Variants in ZBTB10 observed in about 807,000 individuals in gnomAD.
ZBTB10 encodes zinc finger and BTB domain containing 10.
ZBTB10 carries 32 observed loss-of-function variants against 76.4 expected under a neutral mutation model. The ratio of observed to expected loss-of-function variants is 0.42; its 90% CI spans 0.32 to 0.56. The LOEUF (loss-of-function observed/expected upper bound fraction) is 0.56, where lower values mean the gene tolerates loss of function less well. Among genes scored for constraint, ZBTB10 ranks in the 20% least tolerant of loss-of-function variants. ZBTB10 has a pLI of 0.14. For missense variants in ZBTB10, 1,057 were observed against 1,098.5 expected (o/e 0.96, Z 0.53); for synonymous variants, 523 against 432.9 (o/e 1.21, Z -2.58).
chr8:80,497,773 T>C (rs1815825230), intron 1 of ZBTB10, among the ~76,000 whole-genome samples: 1 of 145,858 alleles, frequency 6.9e-6, no homozygotes, highest in Non-Finnish European at 1.5e-5. Flanking sequence ...CCACAACCTC[T>C]GCCTCAGCCT....
intron 1 of ZBTB10, among the ~76,000 whole-genome samples, chr8:80,494,568 G>A (rs1424015646): frequency 6.6e-6 from 1 of 152,030 alleles, no homozygotes; most frequent in Non-Finnish European, 1.5e-5. Flanking sequence ...ACACCTCATT[G>A]ACACCTATCT....
chr8:80,506,513 T>G (rs1164280660), intron 2 of ZBTB10, among the ~76,000 whole-genome samples: 1 of 151,642 alleles, frequency 6.6e-6, no homozygotes, highest in Non-Finnish European at 1.5e-5. Flanking sequence ...GAGACGGGTT[T>G]TTTTCATGTT....
Position 80,518,880 on chromosome 8 carries a change from G to T in ZBTB10, c.2236G>T (p.Gly746Ter). The T allele has an allele frequency of 6.2e-7, 1 of 1,611,444 alleles. No individual in the cohort carries two copies. Among genetic ancestry groups the T allele is most frequent in the Non-Finnish European group, 8.5e-7 (1 of 1,178,696 alleles). The change falls in exon 5 of 6, where the codon GGA becomes TGA. Residue 746 changes from glycine (G) to a stop codon, truncating the protein, a stop_gained. Coordinates refer to ENST00000455036, the MANE Select transcript of ZBTB10 (RefSeq NM_001105539.3). LOFTEE classifies it high-confidence loss of function. ...TLKRHLLIHT[G>*]VRSFSCDICG... is the part of the protein sequence containing the mutation. ...AAAAAGGCACTTGCTCATTCACACA[G>T]GAGTGAGATCATTTAGCTGTGATAT...
At chr8:80,502,884 G>C (rs796118443) in intron 2 of ZBTB10, among the ~76,000 whole-genome samples, 4 of 152,306 alleles carry the variant, frequency 2.6e-5, no homozygotes, top group African/African-American at 9.6e-5. Flanking sequence ...TTCGTATATA[G>C]CAGTGGTTCT....
intron 2 of ZBTB10, among the ~76,000 whole-genome samples, chr8:80,508,819 G>T (rs1462947626): frequency 1.3e-5 from 2 of 152,164 alleles, no homozygotes; most frequent in Non-Finnish European, 2.9e-5. Context: ...AGTTATTTTT[G>T]TATTGTAATA....
Position 80,518,403 on chromosome 8 carries a change from G to A in ZBTB10, c.1961G>A (p.Gly654Asp). The A allele has an allele frequency of 6.5e-7, 1 of 1,549,398 alleles. No individual in the cohort carries two copies. The highest frequency in any genetic ancestry group is 8.7e-7 in the Non-Finnish European group (1 of 1,146,656). Residue 654 changes from glycine to aspartate, a missense_variant and splice_region_variant, in exon 4 of 6, where the codon GGT (glycine) becomes GAT (aspartate). By Grantham distance (94) the Gly-to-Asp change is moderately conservative. Coordinates refer to ENST00000455036, the MANE Select transcript of ZBTB10 (RefSeq NM_001105539.3). ...AATTCAGAATTTTTACTTGTACTAG[G>A]TACTTCACATGATTTCAAGTATGGT... The part of the protein sequence containing the change: ...AGTSQDGGDA[G>D]TSHDFKYGLM...
chr8:80,499,071 A>AT (rs1324431144), intron 1 of ZBTB10, among the ~76,000 whole-genome samples: 2 of 152,232 alleles, frequency 1.3e-5, no homozygotes, highest in African/African-American at 4.8e-5. Flanking sequence ...TATGCCTAGC[A>AT]TAAAATATAA....
Position 80,521,435 on chromosome 8 carries a change from A to T in ZBTB10, c.*1907A>T, listed in dbSNP as rs1816446352. On this transcript the variant is annotated 3_prime_UTR_variant, in exon 6 of 6. Coordinates refer to ENST00000455036, the MANE Select transcript of ZBTB10 (RefSeq NM_001105539.3). ...CGTAAAATGTTCTTTGTGAATATGTAAGTATAGTATAAAGATTTCTTTCAT... is the reference window on the plus strand; with the variant it reads ...CGTAAAATGTTCTTTGTGAATATGTTAGTATAGTATAAAGATTTCTTTCAT... The T allele has an allele frequency of 6.6e-6, 1 of 151,820 alleles. No individual in the cohort carries two copies. Among genetic ancestry groups the T allele is most frequent in the Admixed American group, 6.6e-5 (1 of 15,224 alleles). 9.4% of individuals were successfully genotyped at this position (151,820 alleles called of 1,614,324 possible). A position where few individuals can be genotyped will look rare whatever the true frequency, so the allele number is the denominator to read the frequency against.
chr8:80,522,740 TTAA>T lies in ZBTB10; in HGVS notation c.*3218_*3220del, dbSNP rs1249744647. 1 of 151,670 alleles carries T rather than the reference TTAA, an allele frequency of 6.6e-6. No individual in the cohort carries two copies. Among genetic ancestry groups the T allele is most frequent in the African/African-American group, 2.4e-5 (1 of 41,318 alleles). The allele number at this position is 151,670 out of a possible 1,614,324, so 9.4% of individuals were successfully genotyped here. On this transcript the variant is annotated 3_prime_UTR_variant, in exon 6 of 6. Transcript: ENST00000455036. The stretch of plus-strand genomic sequence containing the variant: ...GGTGCATAACACATCTTAAAGTTGT[TTAA>T]TAATAGATAAGAACCAAGAGGAAAA...
chr8:80,496,349 C>T (rs1432457435), intron 1 of ZBTB10, among the ~76,000 whole-genome samples: 2 of 143,984 alleles, frequency 1.4e-5, no homozygotes, highest in Non-Finnish European at 3.0e-5. Context: ...TTTTGAAGGT[C>T]ATATTTATTT....
In ZBTB10 at chr8:80,486,479, G is replaced by T. The variant is rs924563734; in HGVS notation, c.-332G>T. On this transcript the variant is annotated 5_prime_UTR_variant, in exon 1 of 6. Transcript: ENST00000455036. ...CGCACTCCGCTGCTCAACTTCGAAG[G>T]CCTCGCTCGCTGCAGGCTCGCTCCT... is the stretch of plus-strand genomic sequence containing the variant. 2 of 985,102 alleles carry T rather than the reference G, an allele frequency of 2.0e-6. No individual in the cohort carries two copies. The highest frequency in any genetic ancestry group is 2.4e-6 in the Non-Finnish European group (2 of 829,998). 61.0% of individuals were successfully genotyped at this position (985,102 alleles called of 1,614,324 possible).
At chr8:80,516,571 T>G (rs1217540409) in intron 3 of ZBTB10, among the ~76,000 whole-genome samples, 1 of 152,244 alleles carries the variant, frequency 6.6e-6, no homozygotes, top group Admixed American at 6.5e-5. Flanking sequence ...ACTTTAGGAT[T>G]CTTACAACTT....
At chr8:80,486,100 T>C (rs930326916), upstream of ZBTB10, 1 of 366,202 alleles carries the variant, frequency 2.7e-6, no homozygotes, top group Non-Finnish European at 4.2e-6. Flanking sequence ...CCCGGTCCCC[T>C]GGCGCCCCCA....
At position 80,499,673 on chromosome 8, in the gene ZBTB10, A is replaced by G. The variant is rs1214078339; in HGVS notation, c.1152A>G (p.Ala384=). ...AAGCTCATAAGAACATCCTGGTTGC[A>G]GGCAGCCGTTTCTTTAAGACTTTAT... ...IFKAHKNILV[A]GSRFFKTLYC... is the part of the protein sequence containing the mutation. Residue 384 remains alanine, a synonymous_variant, in exon 2 of 6, where the codon GCA becomes GCG. Coordinates refer to ENST00000455036, the MANE Select transcript of ZBTB10 (RefSeq NM_001105539.3). 1.2e-6 allele frequency: 2 copies of G among 1,613,996 alleles called. No individual in the cohort carries two copies. The highest frequency in any genetic ancestry group is 1.1e-5 in the South Asian group (1 of 91,076).
intron 2 of ZBTB10, 47 bp downstream of exon 2, chr8:80,500,429 A>C: frequency 2.8e-6 from 4 of 1,426,012 alleles, no homozygotes; most frequent in Non-Finnish European, 3.7e-6. Context: ...TCCTAATTCT[A>C]GTTGGATATA....
chr8:80,502,894 T>A (rs981565933), intron 2 of ZBTB10, among the ~76,000 whole-genome samples: 2 of 152,228 alleles, frequency 1.3e-5, no homozygotes, highest in African/African-American at 4.8e-5. Flanking sequence ...GCAGTGGTTC[T>A]TAATCATGGG....
intron 5 of ZBTB10, 26 bp downstream of exon 5, chr8:80,518,980 C>T (rs766038203): frequency 6.4e-7 from 1 of 1,564,018 alleles, no homozygotes; most frequent in Non-Finnish European, 8.7e-7. Context: ...TACAGCTGAT[C>T]TTTGAGATAA....
rs752670800 is a variant in ZBTB10 at position 80,513,988 on chromosome 8, G to C, written c.1940G>C (p.Ser647Thr). The C allele has an allele frequency of 6.2e-7, 1 of 1,613,496 alleles. No homozygotes were observed. Among genetic ancestry groups the C allele is most frequent in the Non-Finnish European group, 8.5e-7 (1 of 1,179,592 alleles). Residue 647 changes from serine (S) to threonine (T), a missense_variant, in exon 3 of 6, where the codon AGT (serine) becomes ACT (threonine). This residue lies in a region of ZBTB10 where 306 missense variants were observed against 297.5 expected (regional missense o/e 1.03). Coordinates refer to ENST00000455036, the MANE Select transcript of ZBTB10 (RefSeq NM_001105539.3). ...AATTTATTGGCTGAAGCTGGCACTAGTCAAGATGGAGGTGATGCTGGTAGG... is the reference window on the plus strand; with the variant it reads ...AATTTATTGGCTGAAGCTGGCACTACTCAAGATGGAGGTGATGCTGGTAGG... ...NANLLAEAGT[S>T]QDGGDAGTSH...
rs962658414 is a variant in ZBTB10 at position 80,521,936 on chromosome 8, A to G, written c.*2408A>G. 3 of 151,866 alleles carry G rather than the reference A, an allele frequency of 2.0e-5. No individual in the cohort carries two copies. The highest frequency in any genetic ancestry group is 7.2e-5 in the African/African-American group (3 of 41,434). The allele number at this position is 151,866 out of a possible 1,614,324, so 9.4% of individuals were successfully genotyped here. On this transcript the variant is annotated 3_prime_UTR_variant, in exon 6 of 6. Coordinates refer to ENST00000455036, the MANE Select transcript of ZBTB10 (RefSeq NM_001105539.3). The stretch of plus-strand genomic sequence containing the variant: ...TTAGTCAATTGAAATATGATACTTT[A>G]AAAGTTTGTTTTTAGGTAATCCAAA...
Sources: gnomAD v4.1 joint callset for allele counts (sites outside exome capture counted in the v4.1 genomes callset) on GRCh38, gnomAD v4.1.1 for gene constraint, gnomAD v4.1.1 regional missense constraint, MANE v1.5 for transcripts, NCBI Gene and HGNC (gene_info 2026-07-23, HGNC 2026-07-21) for gene names.